The following CNTN4 variants were observed in gnomAD, a reference collection of about 807,000 sequenced individuals.
The protein encoded by CNTN4 is contactin-4.
CNTN4 carries 77 observed loss-of-function variants against 122.5 expected under a neutral mutation model. The ratio of observed to expected loss-of-function variants is 0.63; its 90% CI spans 0.52 to 0.76. The LOEUF (loss-of-function observed/expected upper bound fraction) is 0.76, where lower values mean the gene tolerates loss of function less well. Among genes scored for constraint, CNTN4 ranks in the 30% least tolerant of loss-of-function variants. The probability of loss-of-function intolerance (pLI) is 0.00; values close to 1 mark genes in which losing one functional copy is unlikely to be tolerated. For synonymous variants in CNTN4, 512 were observed against 447.0 expected, an observed-to-expected ratio of 1.15 and a Z score of -1.83; for missense variants, 1,256 against 1,259.1, an observed-to-expected ratio of 1.00 and a Z score of 0.04.
At chr3:2,739,361 A>G (rs1330546768) in intron 5 of CNTN4, among the ~76,000 whole-genome samples, 2 of 152,120 alleles carry the variant, frequency 1.3e-5, no homozygotes, top group African/African-American at 4.8e-5. Context: ...GTACTCTATG[A>G]TCCAGTGTAT....
chr3:2,387,884 A>G (rs192047743), intron 3 of CNTN4, among the ~76,000 whole-genome samples: 8 of 152,308 alleles, frequency 5.3e-5, no homozygotes, highest in Admixed American at 6.5e-5. Flanking sequence ...AGTGTGAATC[A>G]AATTGATTTT....
intron 2 of CNTN4, among the ~76,000 whole-genome samples, chr3:2,260,149 T>C (rs780456014): frequency 6.6e-6 from 1 of 152,138 alleles, no homozygotes; most frequent in Non-Finnish European, 1.5e-5. Flanking sequence ...TTTTACTTTC[T>C]ACCACATAAT....
chr3:2,757,917 G>A (rs529371426), intron 6 of CNTN4, among the ~76,000 whole-genome samples: 1 of 152,224 alleles, frequency 6.6e-6, no homozygotes, highest in East Asian at 1.9e-4. Context: ...TATGTATTTA[G>A]GGTACACACT....
At chr3:2,940,256 G>T (rs1277001642) in intron 13 of CNTN4, among the ~76,000 whole-genome samples, 1 of 152,198 alleles carries the variant, frequency 6.6e-6, no homozygotes, top group Non-Finnish European at 1.5e-5. Context: ...ACGAAATAGG[G>T]CTGCTGTGAA....
intron 4 of CNTN4, among the ~76,000 whole-genome samples, chr3:2,705,721 CAT>C (rs1254216843): frequency 4.6e-5 from 4 of 87,098 alleles, no homozygotes; most frequent in African/African-American, 1.9e-4. Context: ...ATATATACAA[CAT>C]ATAAAATATA....
At chr3:2,988,238 T>C (rs1360923900) in intron 13 of CNTN4, 107 bp from the exon 14 acceptor site, 17 of 1,050,714 alleles carry the variant, frequency 1.6e-5, no homozygotes, top group Non-Finnish European at 2.3e-5. Context: ...CTACAAATAA[T>C]GTAGCAATGA....
chr3:2,235,908 A>T (rs1395209910), intron 2 of CNTN4, among the ~76,000 whole-genome samples: 1 of 152,156 alleles, frequency 6.6e-6, no homozygotes, highest in East Asian at 1.9e-4. Flanking sequence ...TTCAGTACAC[A>T]TACAATGTAG....
In CNTN4 at chr3:2,925,791, A is replaced by G. The variant is rs2094467899; in HGVS notation, c.1358+12A>G. 1 of 1,601,754 alleles carries G rather than the reference A, an allele frequency of 6.2e-7. No individual in the cohort carries two copies. Among genetic ancestry groups the G allele is most frequent in the East Asian group, 2.2e-5 (1 of 44,772 alleles). The stretch of plus-strand genomic sequence containing the variant: ...AAAGAAAATGAAAGGTACTGTCTTG[A>G]ATTATTTTCAATATTTGGTTAACCT... On this transcript the variant is annotated intron_variant, in intron 13 of 24. Coordinates refer to ENST00000418658, the MANE Select transcript of CNTN4 (RefSeq NM_175607.3).
intron 3 of CNTN4, among the ~76,000 whole-genome samples, chr3:2,469,333 TTAAG>T (rs1355122994): frequency 1.3e-5 from 2 of 152,222 alleles, no homozygotes; most frequent in Non-Finnish European, 2.9e-5. Flanking sequence ...GAGAGATTCA[TTAAG>T]TAAGTAACAA....
intron 3 of CNTN4, among the ~76,000 whole-genome samples, chr3:2,488,061 A>G (rs1575749096): frequency 6.6e-6 from 1 of 152,192 alleles, no homozygotes; most frequent in Admixed American, 6.5e-5. Context: ...CCTCAAAGCA[A>G]TTAAACTATA....
At chr3:2,241,290 T>C (rs1335291380) in intron 2 of CNTN4, among the ~76,000 whole-genome samples, 1 of 152,186 alleles carries the variant, frequency 6.6e-6, no homozygotes, top group African/African-American at 2.4e-5. Flanking sequence ...TCTTTATTGC[T>C]TACATTTTAT....
chr3:2,840,631 G>A (rs1360831655), intron 7 of CNTN4, among the ~76,000 whole-genome samples: 51 of 135,800 alleles, frequency 3.8e-4, no homozygotes, highest in African/African-American at 1.2e-3. Flanking sequence ...CCCGGGAGGC[G>A]GAGCTTGCAG....
intron 2 of CNTN4, among the ~76,000 whole-genome samples, chr3:2,267,441 G>A (rs761794566): frequency 1.3e-5 from 2 of 151,990 alleles, no homozygotes; most frequent in Non-Finnish European, 2.9e-5. Context: ...AGATTCATTT[G>A]GAATGAAAGG....
chr3:2,907,850 T>C (rs184221019), intron 12 of CNTN4, among the ~76,000 whole-genome samples: 1 of 152,366 alleles, frequency 6.6e-6, no homozygotes, highest in East Asian at 1.9e-4. Flanking sequence ...TTAATCTGTG[T>C]GCTGGGTGAT....
At chr3:2,458,123 T>A (rs35220730) in intron 3 of CNTN4, among the ~76,000 whole-genome samples, 17,900 of 152,174 alleles carry the variant, frequency 0.12, 1,362 homozygotes, top group Middle Eastern at 0.22. Flanking sequence ...CAAGTCTCAG[T>A]TGCAGTACTG....
rs548465694 is a variant in CNTN4, at chr3:3,038,951, C to T, written c.2111C>T (p.Ala704Val). 4.3e-6 allele frequency: 7 copies of T among 1,614,002 alleles called. No homozygotes were observed. In the South Asian group the frequency reaches 6.6e-5, roughly 15 times the overall value. ...TGTGCAGTCCCCGAAGTCACACCAGCGAATGTCAGTGGTGGCGGAGGCAGC... is the reference window on the plus strand; with the variant it reads ...TGTGCAGTCCCCGAAGTCACACCAGTGAATGTCAGTGGTGGCGGAGGCAGC... ...TEEALPEVTP[A>V]NVSGGGGSKS... is the part of the protein sequence containing the mutation. The change falls in exon 19 of 25, where the codon GCG becomes GTG. Residue 704 changes from alanine (A) to valine (V), a missense_variant. Coordinates refer to ENST00000418658, the MANE Select transcript of CNTN4 (RefSeq NM_175607.3).
chr3:2,376,090 T>TA (rs1345912405), intron 3 of CNTN4, among the ~76,000 whole-genome samples: 1 of 152,120 alleles, frequency 6.6e-6, no homozygotes, highest in Non-Finnish European at 1.5e-5. Context: ...AATAAACACT[T>TA]ACTATTCTGT....
intron 4 of CNTN4, among the ~76,000 whole-genome samples, chr3:2,606,993 G>A (rs1390702411): frequency 6.6e-6 from 1 of 152,170 alleles, no homozygotes; most frequent in East Asian, 1.9e-4. Flanking sequence ...TGACTGTGAT[G>A]TCCTTGTGCT....
intron 3 of CNTN4, among the ~76,000 whole-genome samples, chr3:2,376,672 T>C (rs1337842331): frequency 7.1e-6 from 1 of 141,274 alleles, no homozygotes; most frequent in Non-Finnish European, 1.5e-5. Flanking sequence ...TTTTGTGGAG[T>C]TGGGCACTTG....
Sources: gnomAD v4.1 joint callset for allele counts (sites outside exome capture counted in the v4.1 genomes callset) on GRCh38, gnomAD v4.1.1 for gene constraint, MANE v1.5 for transcripts, NCBI Gene and HGNC (gene_info 2026-07-23, HGNC 2026-07-21) for gene names.